STIM1: variants seen among roughly 807,000 people sequenced by gnomAD.
STIM1 encodes stromal interaction molecule 1.
A neutral mutation model predicts 74.7 loss-of-function variants in STIM1; 25 were observed. That is an observed-to-expected ratio of 0.33 (90% CI 0.24 to 0.47). The LOEUF (loss-of-function observed/expected upper bound fraction) is 0.47. Among genes scored for constraint, STIM1 ranks in the 20% least tolerant of loss-of-function variants. STIM1 has a pLI of 1.00. For synonymous variants in STIM1, 328 were observed against 348.8 expected, an observed-to-expected ratio of 0.94 and a Z score of 0.66; for missense variants, 728 against 920.8, an observed-to-expected ratio of 0.79 and a Z score of 2.71.
chr11:3,874,483 G>A (rs1312303627), intron 1 of STIM1, among the ~76,000 whole-genome samples: 1 of 152,196 alleles, frequency 6.6e-6, no homozygotes, highest in East Asian at 1.9e-4. Context: ...TTGCTTGATT[G>A]TCATTACAGG....
At chr11:4,078,279 T>C (rs1326097655) in intron 7 of STIM1, among the ~76,000 whole-genome samples, 1 of 152,196 alleles carries the variant, frequency 6.6e-6, no homozygotes, top group African/African-American at 2.4e-5. Context: ...GTTTCTCAGG[T>C]ATGTCCCTCC....
intron 2 of STIM1, among the ~76,000 whole-genome samples, chr11:4,014,909 C>A (rs2093880356): frequency 6.6e-6 from 1 of 152,142 alleles, no homozygotes. Flanking sequence ...CTTGGTGGAT[C>A]TTCCTCTATC....
intron 2 of STIM1, among the ~76,000 whole-genome samples, chr11:4,002,742 C>A (rs1286787485): frequency 4.0e-5 from 6 of 149,076 alleles, no homozygotes; most frequent in African/African-American, 1.2e-4. Context: ...AAAATCAGAG[C>A]AGAACTGAAG....
At chr11:3,898,833 C>T (rs59580427) in intron 1 of STIM1, among the ~76,000 whole-genome samples, 2,363 of 148,760 alleles carry the variant, frequency 0.016, 58 homozygotes, top group African/African-American at 0.054. Flanking sequence ...TGTAGATATG[C>T]GGCGTTATTT....
At chr11:3,904,521 C>T (rs370469854) in intron 1 of STIM1, among the ~76,000 whole-genome samples, 91 of 152,098 alleles carry the variant, frequency 6.0e-4, no homozygotes, top group African/African-American at 1.9e-3. Context: ...GCTTTACCGT[C>T]GATATTTAAG....
intron 1 of STIM1, among the ~76,000 whole-genome samples, chr11:3,900,313 C>A (rs1011957640): frequency 1.4e-4 from 22 of 152,226 alleles, no homozygotes; most frequent in African/African-American, 3.9e-4. Context: ...GTGGGAGTGA[C>A]CCGATTTTCC....
chr11:4,061,498 GT>G (rs1239510284), intron 5 of STIM1, among the ~76,000 whole-genome samples: 1 of 152,214 alleles, frequency 6.6e-6, no homozygotes, highest in African/African-American at 2.4e-5. Context: ...TGGAAAACTT[GT>G]GTTGGCGAGG....
chr11:4,047,975 C>T (rs773121141), intron 3 of STIM1, among the ~76,000 whole-genome samples: 15 of 152,090 alleles, frequency 9.9e-5, no homozygotes, highest in Non-Finnish European at 2.1e-4. Context: ...CGTGCCACCA[C>T]GCCCCGCTAA....
chr11:3,908,097 C>G (rs976995876), intron 1 of STIM1, among the ~76,000 whole-genome samples: 2 of 152,150 alleles, frequency 1.3e-5, no homozygotes, highest in African/African-American at 4.8e-5. Flanking sequence ...CCTGTTAGTT[C>G]CATAAGAGCA....
rs939283232 is a variant in STIM1, at chr11:3,922,325, T to C, written c.140-45227T>C. ...GAATATCTATATAGACATATAGATATGTATATGTGTATTTAATATCTGGAT... is the reference window on the plus strand; with the variant it reads ...GAATATCTATATAGACATATAGATACGTATATGTGTATTTAATATCTGGAT... On this transcript the variant is annotated intron_variant, in intron 1 of 12. Transcript: ENST00000526596. 2.0e-5 allele frequency among the ~76,000 whole-genome samples: 3 copies of C among 152,312 alleles called. No individual in the cohort carries two copies. In the South Asian group the frequency reaches 6.2e-4, roughly 32 times the overall value.
At chr11:3,925,954 T>C (rs2092783218) in intron 1 of STIM1, among the ~76,000 whole-genome samples, 1 of 152,218 alleles carries the variant, frequency 6.6e-6, no homozygotes, top group Non-Finnish European at 1.5e-5. Context: ...TTGATAATTT[T>C]GAATTTTTTT....
At chr11:4,016,320 T>C (rs181454050) in intron 2 of STIM1, among the ~76,000 whole-genome samples, 1 of 152,308 alleles carries the variant, frequency 6.6e-6, no homozygotes, top group Admixed American at 6.5e-5. Flanking sequence ...TGCATGTCTG[T>C]TGGAGTTGGC....
At chr11:4,033,992 A>G (rs2094076938) in intron 3 of STIM1, among the ~76,000 whole-genome samples, 1 of 151,658 alleles carries the variant, frequency 6.6e-6, no homozygotes, top group African/African-American at 2.4e-5. Flanking sequence ...GCACTTTGGG[A>G]GGCTGAGGTG....
At chr11:4,079,390 G>A (rs1254362038) in intron 7 of STIM1, among the ~76,000 whole-genome samples, 2 of 151,616 alleles carry the variant, frequency 1.3e-5, no homozygotes, top group South Asian at 2.1e-4. Flanking sequence ...GCTGGCCAAC[G>A]TAGTGAAACC....
At chr11:3,943,668 G>A (rs566232681) in intron 1 of STIM1, among the ~76,000 whole-genome samples, 2 of 152,312 alleles carry the variant, frequency 1.3e-5, no homozygotes, top group African/African-American at 4.8e-5. Flanking sequence ...TTGGGAGGCC[G>A]AGGTGGGAGG....
chr11:3,903,525 C>T (rs933967700), intron 1 of STIM1: 3 of 152,212 alleles, frequency 2.0e-5, no homozygotes, highest in Non-Finnish European at 2.9e-5. Context: ...TTTTAGAAAT[C>T]ATTTTCCAAA....
chr11:4,073,445 G>A (rs1054998960), intron 6 of STIM1, among the ~76,000 whole-genome samples: 1 of 152,100 alleles, frequency 6.6e-6, no homozygotes, highest in Non-Finnish European at 1.5e-5. Context: ...TTCTATTATA[G>A]AATTTGTCAC....
At chr11:3,965,835 G>T (rs1160900751) in intron 1 of STIM1, among the ~76,000 whole-genome samples, 1 of 151,658 alleles carries the variant, frequency 6.6e-6, no homozygotes. Flanking sequence ...CTGAAACCCC[G>T]TCTCTACTAA....
At chr11:3,877,911 C>T (rs993214357) in intron 1 of STIM1, among the ~76,000 whole-genome samples, 2 of 152,196 alleles carry the variant, frequency 1.3e-5, no homozygotes, top group African/African-American at 4.8e-5. Context: ...GCTTTCTCTT[C>T]TAGTTAGTTT....
Sources: allele counts gnomAD v4.1 joint callset (sites outside exome capture counted in the v4.1 genomes callset), GRCh38; gene constraint gnomAD v4.1.1; transcripts MANE v1.5; gene names NCBI Gene and HGNC (gene_info 2026-07-23, HGNC 2026-07-21).